Variants in MALRD1 observed in about 807,000 individuals in gnomAD.
MALRD1 encodes MAM and LDL receptor class A domain containing 1, also known as MAM and LDL-receptor class A domain-containing protein 1.
Under a neutral mutation model 242.1 loss-of-function variants are expected in MALRD1, and 247 were observed. That is an observed-to-expected ratio of 1.02 (90% CI 0.92 to 1.13). The LOEUF is 1.13. MALRD1 is among the 50% of genes most tolerant of loss of function. The probability of loss-of-function intolerance (pLI) is 0.00; values close to 1 mark genes in which losing one functional copy is unlikely to be tolerated. For missense variants in MALRD1, 2,989 were observed against 2,533.1 expected, an observed-to-expected ratio of 1.18 and a Z score of -3.86; for synonymous variants, 995 against 866.6, an observed-to-expected ratio of 1.15 and a Z score of -2.60.
intron 25 of MALRD1, among the ~76,000 whole-genome samples, chr10:19,348,251 T>C (rs1759392510): frequency 6.6e-6 from 1 of 151,858 alleles, no homozygotes; most frequent in African/African-American, 2.4e-5. Context: ...TACTGAAGTT[T>C]GGGAAACTGT....
chr10:19,324,067 T>G lies in MALRD1; in HGVS notation c.3538T>G (p.Trp1180Gly). 6.4e-7 allele frequency: 1 copy of G among 1,550,538 alleles called. No individual in the cohort carries two copies. The highest frequency in any genetic ancestry group is 8.7e-7 in the Non-Finnish European group (1 of 1,146,846). Residue 1180 changes from tryptophan (W) to glycine (G), a missense_variant, in exon 22 of 40, where the codon TGG (tryptophan) becomes GGG (glycine). By Grantham distance (184) the Trp-to-Gly change is radical. Coordinates refer to ENST00000454679, the MANE Select transcript of MALRD1 (RefSeq NM_001142308.3). Reference protein sequence around the residue: ...LTGPKCTLVFWTHMNGATVGS... With the variant: ...LTGPKCTLVFGTHMNGATVGS... Reference sequence around the variant, plus strand: ...GGGACCAAAATGTACCTTGGTGTTCTGGACACATATGAATGGGGCCACCGT... The same window carrying G: ...GGGACCAAAATGTACCTTGGTGTTCGGGACACATATGAATGGGGCCACCGT...
chr10:19,187,737 A>T (rs1835800495), intron 14 of MALRD1, among the ~76,000 whole-genome samples: 1 of 152,126 alleles, frequency 6.6e-6, no homozygotes, highest in East Asian at 1.9e-4. Flanking sequence ...ACATGTTCTC[A>T]CTCGTAAGTG....
intron 38 of MALRD1, among the ~76,000 whole-genome samples, chr10:19,699,532 A>G (rs1833526428): frequency 6.6e-6 from 1 of 152,150 alleles, no homozygotes; most frequent in Non-Finnish European, 1.5e-5. Context: ...GAAGGTAGAC[A>G]CAGCTACCTT....
chr10:19,356,465 A>C (rs564892829), intron 26 of MALRD1, among the ~76,000 whole-genome samples: 1 of 152,298 alleles, frequency 6.6e-6, no homozygotes, highest in South Asian at 2.1e-4. Flanking sequence ...CATTTTTAAA[A>C]ACGAAATTAA....
intron 36 of MALRD1, among the ~76,000 whole-genome samples, chr10:19,686,404 G>A (rs138709075): frequency 7.4e-4 from 112 of 152,222 alleles, no homozygotes; most frequent in African/African-American, 2.6e-3. Flanking sequence ...ATGCTCACTC[G>A]AGGCGTTCTT....
intron 31 of MALRD1, among the ~76,000 whole-genome samples, chr10:19,504,238 G>A (rs545702870): frequency 1.1e-4 from 16 of 152,170 alleles, no homozygotes; most frequent in Non-Finnish European, 2.2e-4. Flanking sequence ...CGTAAAATGA[G>A]TAGCAAAGCC....
At chr10:19,531,819 CTG>C (rs1295849029) in intron 32 of MALRD1, among the ~76,000 whole-genome samples, 1 of 152,208 alleles carries the variant, frequency 6.6e-6, no homozygotes, top group African/African-American at 2.4e-5. Context: ...AAGCAATAAT[CTG>C]TACCAAATGC....
chr10:19,365,223 A>G (rs1363274226), intron 26 of MALRD1, among the ~76,000 whole-genome samples: 13 of 152,242 alleles, frequency 8.5e-5, no homozygotes, highest in African/African-American at 2.4e-4. Flanking sequence ...CTCTATTTAC[A>G]TCTCTGTTCT....
chr10:19,709,243 T>TAA (rs557818453), intron 38 of MALRD1, among the ~76,000 whole-genome samples: 7 of 105,948 alleles, frequency 6.6e-5, no homozygotes, highest in Non-Finnish European at 1.1e-4. Flanking sequence ...CCGTCTGTAC[T>TAA]AAAAAAAAAA....
At position 19,048,874 on chromosome 10, in the gene MALRD1, A is replaced by G; in HGVS notation, c.-65A>G. On this transcript the variant is annotated 5_prime_UTR_variant, in exon 1 of 40. Coordinates refer to ENST00000454679, the MANE Select transcript of MALRD1 (RefSeq NM_001142308.3). ...GGGAAAGGAAGAATAGAGAAATAAA[A>G]GAATGTTTCCAATGATGGACTTACT... 3.5e-6 allele frequency: 4 copies of G among 1,152,864 alleles called. No individual in the cohort carries two copies. Among genetic ancestry groups the G allele is most frequent in the Non-Finnish European group, 4.4e-6 (4 of 914,566 alleles). The allele number at this position is 1,152,864 out of a possible 1,614,324, so 71.4% of individuals were successfully genotyped here.
chr10:19,569,050 A>G (rs183965513), intron 33 of MALRD1, among the ~76,000 whole-genome samples: 161 of 152,294 alleles, frequency 1.1e-3, no homozygotes, highest in African/African-American at 3.7e-3. Context: ...ATTTACAGTA[A>G]GTAAATCTAT....
At chr10:19,252,940 C>G (rs1839359060) in intron 18 of MALRD1, among the ~76,000 whole-genome samples, 1 of 151,792 alleles carries the variant, frequency 6.6e-6, no homozygotes, top group African/African-American at 2.4e-5. Flanking sequence ...CAAATAGTTC[C>G]CTCAGTATTG....
chr10:19,391,599 C>T lies in MALRD1; in HGVS notation c.4845+1990C>T, dbSNP rs564907941. ...CACTCCCTGTCTATTCTTAGTTAGG[C>T]CCCCTTCTGTGTTTTCTGGCTTTTC... On this transcript the variant is annotated intron_variant, in intron 28 of 39. Transcript: ENST00000454679. 7.2e-5 allele frequency among the ~76,000 whole-genome samples: 11 copies of T among 152,260 alleles called. No individual in the cohort carries two copies. The South Asian group carries it at 2.3e-3, about 32-fold the overall frequency.
chr10:19,685,008 G>GA (rs1008722770), intron 36 of MALRD1, among the ~76,000 whole-genome samples: 2 of 152,024 alleles, frequency 1.3e-5, no homozygotes, highest in African/African-American at 4.8e-5. Flanking sequence ...TATCTCTCCA[G>GA]AAAAAATCAG....
At chr10:19,263,097 G>A (rs1349922880) in intron 19 of MALRD1, among the ~76,000 whole-genome samples, 1 of 152,164 alleles carries the variant, frequency 6.6e-6, no homozygotes, top group Non-Finnish European at 1.5e-5. Context: ...GAACATGGGA[G>A]TTCATTGGAG....
chr10:19,569,500 G>T (rs1372440385), intron 33 of MALRD1, among the ~76,000 whole-genome samples: 3 of 151,124 alleles, frequency 2.0e-5, no homozygotes, highest in Non-Finnish European at 3.0e-5. Context: ...ATCTTCCCAA[G>T]CATGAATATA....
chr10:19,277,579 C>G (rs1408411783), intron 19 of MALRD1, among the ~76,000 whole-genome samples: 1 of 152,140 alleles, frequency 6.6e-6, no homozygotes, highest in South Asian at 2.1e-4. Context: ...GGTCAACTCT[C>G]CTTGCTATAG....
chr10:19,238,593 T>TAA lies in MALRD1; in HGVS notation c.2992-19090_2992-19089dup, dbSNP rs1564493132. ...ATACATAATGTATATTATATATATA[T>TAA]AATTCACTTGTTTGTTTTTAGACAC... On this transcript the variant is annotated intron_variant, in intron 18 of 39. Transcript: ENST00000454679. 4.0e-5 allele frequency among the ~76,000 whole-genome samples: 4 copies of TAA among 101,014 alleles called. No homozygotes were observed. In the Admixed American group the frequency reaches 4.0e-4, roughly 10 times the overall value. 66.3% of individuals were successfully genotyped at this position (101,014 alleles called of 152,430 possible).
At chr10:19,185,818 T>A (rs1835714070) in intron 14 of MALRD1, among the ~76,000 whole-genome samples, 1 of 148,588 alleles carries the variant, frequency 6.7e-6, no homozygotes, top group Admixed American at 6.7e-5. Context: ...TGAGATAGTG[T>A]GTGTGTGTGT....
Sources: gnomAD v4.1 joint callset for allele counts (sites outside exome capture counted in the v4.1 genomes callset) on GRCh38, gnomAD v4.1.1 for gene constraint, MANE v1.5 for transcripts, NCBI Gene and HGNC (gene_info 2026-07-23, HGNC 2026-07-21) for gene names.